The following IQCJ variants were observed in gnomAD, a reference collection of about 807,000 sequenced individuals.
IQCJ encodes the protein IQ motif containing J, also known as IQ domain-containing protein J.
A neutral mutation model predicts 11.0 loss-of-function variants in IQCJ; 9 were observed. The ratio of observed to expected loss-of-function variants is 0.82; its 90% CI spans 0.49 to 1.43. IQCJ has a LOEUF of 1.43. Among genes scored for constraint, IQCJ ranks in the 40% most tolerant of loss-of-function variants. IQCJ has a pLI of 0.00. For synonymous variants in IQCJ, 55 were observed against 51.3 expected, an observed-to-expected ratio of 1.07 and a Z score of -0.31; for missense variants, 146 against 133.2, an observed-to-expected ratio of 1.10 and a Z score of -0.47.
At position 159,109,656 on chromosome 3, in the gene IQCJ, T is replaced by G. The variant is rs1271167601; in HGVS notation, c.9+40215T>G. Among the ~76,000 whole-genome samples the G allele has an allele frequency of 3.3e-5, 5 of 151,810 alleles. No individual in the cohort carries two copies. The South Asian group carries it at 1.0e-3, about 32-fold the overall frequency. On this transcript the variant is annotated intron_variant, in intron 1 of 3. Coordinates refer to ENST00000397832, the MANE Select transcript of IQCJ (RefSeq NM_001042706.3). The stretch of plus-strand genomic sequence containing the variant: ...GACAGCCTTGGGATTTTCTTTGGTG[T>G]GGGTGTGTGGGTGTGTGTGTGTGTG...
At chr3:159,090,356 C>G (rs559141200) in intron 1 of IQCJ, among the ~76,000 whole-genome samples, 14 of 151,824 alleles carry the variant, frequency 9.2e-5, no homozygotes, top group Non-Finnish European at 1.8e-4. Context: ...GCAGAAATCA[C>G]CCGTCTTCTG....
intron 3 of IQCJ, among the ~76,000 whole-genome samples, chr3:159,254,429 C>T (rs114184049): frequency 0.013 from 2,053 of 152,236 alleles, 42 homozygotes; most frequent in African/African-American, 0.045. Flanking sequence ...CAATGAGGTG[C>T]AAACAGAATG....
intron 1 of IQCJ, among the ~76,000 whole-genome samples, chr3:159,177,582 G>A (rs1393552456): frequency 6.6e-6 from 1 of 152,174 alleles, no homozygotes; most frequent in Non-Finnish European, 1.5e-5. Flanking sequence ...CTCAGGGATT[G>A]CTAAGGACCA....
At chr3:159,071,217 G>T (rs954997987) in intron 1 of IQCJ, among the ~76,000 whole-genome samples, 4 of 152,098 alleles carry the variant, frequency 2.6e-5, no homozygotes, top group African/African-American at 9.6e-5. Context: ...TAATAGTACA[G>T]TAAAAATGCA....
chr3:159,082,971 G>A (rs1716427610), intron 1 of IQCJ, among the ~76,000 whole-genome samples: 1 of 152,016 alleles, frequency 6.6e-6, no homozygotes, highest in African/African-American at 2.4e-5. Context: ...CCTCATAATG[G>A]ACCACAGACT....
intron 1 of IQCJ, among the ~76,000 whole-genome samples, chr3:159,144,661 GACACACACACACACACACAC>G (rs10561081): frequency 6.7e-6 from 1 of 150,220 alleles, no homozygotes; most frequent in Non-Finnish European, 1.5e-5. Context: ...TACACACACA[GACACACACACACACACACAC>G]ACACACACAG....
intron 1 of IQCJ, among the ~76,000 whole-genome samples, chr3:159,224,805 A>G (rs1396256080): frequency 1.3e-5 from 2 of 152,332 alleles, no homozygotes; most frequent in African/African-American, 4.8e-5. Context: ...CAAACTAATT[A>G]CAAGGAAAAG....
intron 1 of IQCJ, among the ~76,000 whole-genome samples, chr3:159,108,964 T>G (rs1427823220): frequency 6.6e-6 from 1 of 152,206 alleles, no homozygotes; most frequent in East Asian, 1.9e-4. Context: ...ATCAAATGCC[T>G]CCTGGGTCCC....
At chr3:159,151,991 G>A (rs1721256721) in intron 1 of IQCJ, among the ~76,000 whole-genome samples, 1 of 152,274 alleles carries the variant, frequency 6.6e-6, no homozygotes, top group South Asian at 2.1e-4. Context: ...TGTGACCCAA[G>A]GTTGTTCCCA....
intron 1 of IQCJ, among the ~76,000 whole-genome samples, chr3:159,094,436 T>C: frequency 6.8e-6 from 1 of 147,904 alleles, no homozygotes; most frequent in East Asian, 2.0e-4. Flanking sequence ...TTTTTTTTTT[T>C]TTTTTTTTTT....
Position 159,075,222 on chromosome 3 carries a change from C to T in IQCJ, c.9+5781C>T, listed in dbSNP as rs570207632. On this transcript the variant is annotated intron_variant, in intron 1 of 3. Transcript: ENST00000397832. ...AAGCTCAAAGCAAGTATTTAATTGC[C>T]CTGAAAACTGAACAACATAACAGTC... Among the ~76,000 whole-genome samples, 14 of 152,006 alleles carry T rather than the reference C, an allele frequency of 9.2e-5. No individual in the cohort carries two copies. The South Asian group carries it at 2.7e-3, about 29-fold the overall frequency.
chr3:159,153,863 G>A (rs1273945308), intron 1 of IQCJ, among the ~76,000 whole-genome samples: 3 of 152,170 alleles, frequency 2.0e-5, no homozygotes, highest in Non-Finnish European at 4.4e-5. Flanking sequence ...TCACTGCGGA[G>A]CTGTCTGTGG....
intron 1 of IQCJ, among the ~76,000 whole-genome samples, chr3:159,142,331 T>C (rs1720650809): frequency 1.3e-5 from 2 of 152,168 alleles, no homozygotes; most frequent in Non-Finnish European, 2.9e-5. Flanking sequence ...GTGTTCTTCA[T>C]AGCTGGTCTC....
At chr3:159,252,001 AT>A (rs1294208019) in intron 2 of IQCJ, among the ~76,000 whole-genome samples, 1 of 152,030 alleles carries the variant, frequency 6.6e-6, no homozygotes, top group African/African-American at 2.4e-5. Context: ...TTGTTCTCCT[AT>A]TTTTTTCATC....
chr3:159,244,784 G>A (rs1481004931), intron 1 of IQCJ, among the ~76,000 whole-genome samples: 2 of 152,110 alleles, frequency 1.3e-5, no homozygotes, highest in African/African-American at 4.8e-5. Flanking sequence ...GGTGTCTGGT[G>A]GGTTATAATC....
At chr3:159,207,336 T>G (rs181355266) in intron 1 of IQCJ, among the ~76,000 whole-genome samples, 1 of 152,352 alleles carries the variant, frequency 6.6e-6, no homozygotes, top group Admixed American at 6.5e-5. Flanking sequence ...TTCAACTGTA[T>G]ATAGTCATGA....
intron 1 of IQCJ, among the ~76,000 whole-genome samples, chr3:159,123,611 C>A (rs1037225919): frequency 2.0e-5 from 3 of 151,984 alleles, no homozygotes; most frequent in African/African-American, 7.2e-5. Context: ...AATGGGTGGG[C>A]AGGACAGGGG....
At chr3:159,105,351 T>A (rs1199149589) in intron 1 of IQCJ, among the ~76,000 whole-genome samples, 1 of 152,218 alleles carries the variant, frequency 6.6e-6, no homozygotes, top group Non-Finnish European at 1.5e-5. Flanking sequence ...CTACCATTGC[T>A]TTGTCCACCT....
intron 1 of IQCJ, among the ~76,000 whole-genome samples, chr3:159,145,217 C>T (rs1319562012): frequency 1.3e-5 from 2 of 152,130 alleles, no homozygotes; most frequent in Non-Finnish European, 2.9e-5. Context: ...GGTGATTTCC[C>T]TACTGATGTA....
Sources: gnomAD v4.1 joint callset for allele counts (sites outside exome capture counted in the v4.1 genomes callset) on GRCh38, gnomAD v4.1.1 for gene constraint, MANE v1.5 for transcripts, NCBI Gene and HGNC (gene_info 2026-07-23, HGNC 2026-07-21) for gene names.